EDA: variants seen among roughly 807,000 people sequenced by gnomAD.
EDA encodes ectodysplasin A.
Under a neutral mutation model 23.6 loss-of-function variants are expected in EDA, and 2 were observed. The ratio of observed to expected loss-of-function variants is 0.08; its 90% CI spans 0.03 to 0.27. The LOEUF (loss-of-function observed/expected upper bound fraction) is 0.27. Ranked by LOEUF, EDA falls within the 10% of genes least tolerant of loss-of-function variation. EDA has a pLI of 1.00. For synonymous variants in EDA, 131 were observed against 132.0 expected, an observed-to-expected ratio of 0.99 and a Z score of 0.05; for missense variants, 229 against 324.2, an observed-to-expected ratio of 0.71 and a Z score of 2.26.
intron 1 of EDA, among the ~76,000 whole-genome samples, chrX:69,666,139 AT>A (rs1933674321): frequency 8.9e-6 from 1 of 111,875 alleles, no homozygotes; most frequent in Non-Finnish European, 1.9e-5. Flanking sequence ...CTTTTTTTGT[AT>A]GTTGATTTTG....
At chrX:69,910,829 GAT>G (rs966498755) in intron 1 of EDA, among the ~76,000 whole-genome samples, 2 of 111,596 alleles carry the variant, frequency 1.8e-5, no homozygotes, top group Admixed American at 9.6e-5. Context: ...ACTTTATGCA[GAT>G]ATGTTTTCCT....
At chrX:69,621,910 A>AT (rs1157175408) in intron 1 of EDA, among the ~76,000 whole-genome samples, 1 of 107,063 alleles carries the variant, frequency 9.3e-6, no homozygotes, top group East Asian at 2.9e-4. Flanking sequence ...CTCATTTTTA[A>AT]TTTTTTATAG....
intron 4 of EDA, among the ~76,000 whole-genome samples, chrX:70,029,179 A>G (rs1259389219): frequency 3.5e-5 from 4 of 112,957 alleles, no homozygotes; most frequent in Non-Finnish European, 5.6e-5. Context: ...AGAGAAGCCA[A>G]TGCCATTGCC....
intron 1 of EDA, among the ~76,000 whole-genome samples, chrX:69,866,046 T>A (rs1284493641): frequency 4.5e-5 from 5 of 112,195 alleles, no homozygotes; most frequent in African/African-American, 1.6e-4. Flanking sequence ...CTGGTATTGA[T>A]GACTACCTTC....
intron 1 of EDA, among the ~76,000 whole-genome samples, chrX:69,945,978 C>T (rs1017439422): frequency 7.1e-5 from 8 of 112,058 alleles, no homozygotes; most frequent in Admixed American, 2.8e-4. Flanking sequence ...CACCTGGACA[C>T]ATGGGGCACT....
intron 1 of EDA, among the ~76,000 whole-genome samples, chrX:69,786,549 C>T (rs1174189299): frequency 1.2e-4 from 13 of 110,292 alleles, no homozygotes; most frequent in Non-Finnish European, 1.3e-4. Flanking sequence ...TCGTTATGTA[C>T]CCAGTAGTCA....
chrX:69,647,194 A>G (rs1569281800), intron 1 of EDA, among the ~76,000 whole-genome samples: 1 of 111,017 alleles, frequency 9.0e-6, no homozygotes, highest in Non-Finnish European at 1.9e-5. Flanking sequence ...CTCATGGAGT[A>G]TCTTACTGGG....
intron 2 of EDA, among the ~76,000 whole-genome samples, chrX:69,972,991 ACTAAGCTAATCTAAGCTAAT>A (rs768397933): frequency 0.014 from 1,553 of 111,742 alleles, 24 homozygotes; most frequent in African/African-American, 0.049. Flanking sequence ...GCTATAACTA[ACTAAGCTAATCTAAGCTAAT>A]CTAAGCTAAT....
At chrX:69,679,774 C>T (rs1371905065) in intron 1 of EDA, among the ~76,000 whole-genome samples, 1 of 110,787 alleles carries the variant, frequency 9.0e-6, no homozygotes, top group Non-Finnish European at 1.9e-5. Context: ...AAACCCAGCT[C>T]CTGGATTCTT....
chrX:69,942,902 C>T (rs2018782273), intron 1 of EDA, among the ~76,000 whole-genome samples: 1 of 110,133 alleles, frequency 9.1e-6, no homozygotes, highest in Admixed American at 9.7e-5. Context: ...TCTTTTGTCT[C>T]CTCTGACTGT....
rs776942596 is a variant in EDA, at chrX:69,853,396, A to G, written c.397-103631A>G. 2.7e-5 allele frequency among the ~76,000 whole-genome samples: 3 copies of G among 111,995 alleles called. 1 individual carries two copies. The South Asian group carries it at 1.1e-3, about 42-fold the overall frequency. ...TGGAAAACAGGCTAGGTTAAGAAAC[A>G]TGGAGGATAGAATGAGAAAGGTCTA... On this transcript the variant is annotated intron_variant, in intron 1 of 7. Transcript: ENST00000374552.
At chrX:69,966,301 C>T (rs1434990162) in intron 2 of EDA, among the ~76,000 whole-genome samples, 2 of 110,932 alleles carry the variant, frequency 1.8e-5, no homozygotes, top group Admixed American at 1.9e-4. Flanking sequence ...AGAATTCAGC[C>T]GGGTGCAGTG....
intron 1 of EDA, among the ~76,000 whole-genome samples, chrX:69,709,647 T>C (rs1454745439): frequency 1.8e-5 from 2 of 111,597 alleles, no homozygotes; most frequent in Non-Finnish European, 3.8e-5. Flanking sequence ...CTGATTTCTC[T>C]TTGCTTTAAA....
chrX:69,960,480 T>C (rs1349337957), intron 2 of EDA, among the ~76,000 whole-genome samples: 1 of 110,972 alleles, frequency 9.0e-6, no homozygotes, highest in African/African-American at 3.3e-5. Context: ...GAGGTAGCTA[T>C]TAAACAGCCA....
intron 1 of EDA, among the ~76,000 whole-genome samples, chrX:69,770,036 C>T (rs1350310845): frequency 9.0e-6 from 1 of 111,545 alleles, no homozygotes; most frequent in Non-Finnish European, 1.9e-5. Flanking sequence ...TGAGATTCGC[C>T]GTTTTCACTC....
intron 1 of EDA, among the ~76,000 whole-genome samples, chrX:69,880,625 T>C (rs775850875): frequency 2.7e-5 from 3 of 111,989 alleles, no homozygotes. Context: ...CCATGTGTTG[T>C]CCTTCTACCC....
At chrX:69,949,660 G>C (rs1039713580) in intron 1 of EDA, among the ~76,000 whole-genome samples, 5 of 110,971 alleles carry the variant, frequency 4.5e-5, no homozygotes, top group Non-Finnish European at 9.4e-5. Flanking sequence ...CCCAATTAGA[G>C]TCAAAAAAAA....
chrX:69,622,505 A>G (rs193010848), intron 1 of EDA, among the ~76,000 whole-genome samples: 2 of 112,243 alleles, frequency 1.8e-5, no homozygotes, highest in Non-Finnish European at 3.8e-5. Flanking sequence ...GCATTTGCAT[A>G]TCTTCTGTGA....
chrX:69,684,543 A>C, intron 1 of EDA, among the ~76,000 whole-genome samples: 1 of 112,052 alleles, frequency 8.9e-6, no homozygotes, highest in Non-Finnish European at 1.9e-5. Flanking sequence ...TTGTGTATAA[A>C]GTAATAAACC....
Sources: gnomAD v4.1 joint callset for allele counts (sites outside exome capture counted in the v4.1 genomes callset) on GRCh38, gnomAD v4.1.1 for gene constraint, MANE v1.5 for transcripts, NCBI Gene and HGNC (gene_info 2026-07-23, HGNC 2026-07-21) for gene names.